Variants in ARMC2 observed in about 807,000 individuals in gnomAD.
The protein encoded by ARMC2 is armadillo repeat containing 2.
In ARMC2, 67 loss-of-function variants were observed where a neutral mutation model predicts 90.3. The observed-to-expected ratio is 0.74, with a 90% CI of 0.61 to 0.91. The LOEUF is 0.91. Ranked by LOEUF, ARMC2 falls within the 40% of genes least tolerant of loss-of-function variation. The pLI, the probability that ARMC2 is intolerant of heterozygous loss-of-function variation, is 0.00. For missense variants in ARMC2, 920 were observed against 1,030.9 expected, an observed-to-expected ratio of 0.89 and a Z score of 1.47; for synonymous variants, 393 against 393.0, an observed-to-expected ratio of 1.00 and a Z score of 0.00.
At chr6:108,924,067 A>G (rs1230305015) in intron 10 of ARMC2, 1 of 152,326 alleles carries the variant, frequency 6.6e-6, no homozygotes, top group Non-Finnish European at 1.5e-5. Context: ...TCACCATGGG[A>G]GAGAAGATGC....
intron 5 of ARMC2, among the ~76,000 whole-genome samples, chr6:108,891,933 T>C (rs1455831276): frequency 6.6e-6 from 1 of 152,220 alleles, no homozygotes; most frequent in African/African-American, 2.4e-5. Flanking sequence ...TGTGCTCTGC[T>C]TGAGAACTGG....
At chr6:109,028,002 T>C in the ARMC2 span, among the ~76,000 whole-genome samples, 1 of 152,094 alleles carries the variant, frequency 6.6e-6, no homozygotes, top group Non-Finnish European at 1.5e-5. Flanking sequence ...TATTTCAGTC[T>C]GTGGCTTGCC....
chr6:108,969,995 C>T (rs976393000), intron 17 of ARMC2, among the ~76,000 whole-genome samples: 1 of 151,986 alleles, frequency 6.6e-6, no homozygotes, highest in Non-Finnish European at 1.5e-5. Flanking sequence ...ATGATTGCAC[C>T]ACTGCATTCC....
chr6:108,874,345 G>A (rs1776731471), intron 4 of ARMC2, among the ~76,000 whole-genome samples: 1 of 152,254 alleles, frequency 6.6e-6, no homozygotes, highest in African/African-American at 2.4e-5. Flanking sequence ...CACCCGTGCA[G>A]TAAACAGCAC....
At chr6:108,930,659 T>C (rs943939475) in intron 11 of ARMC2, among the ~76,000 whole-genome samples, 6 of 133,556 alleles carry the variant, frequency 4.5e-5, no homozygotes, top group Non-Finnish European at 9.2e-5. Context: ...TGCAGTGGGG[T>C]GATCTCGGCT....
At position 108,899,741 on chromosome 6, in the gene ARMC2, G is replaced by T; in HGVS notation, c.796G>T (p.Glu266Ter). 1 of 1,613,642 alleles carries T rather than the reference G, an allele frequency of 6.2e-7. No individual in the cohort carries two copies. Among genetic ancestry groups the T allele is most frequent in the Non-Finnish European group, 8.5e-7 (1 of 1,179,786 alleles). Residue 266 changes from glutamate to a stop codon, truncating the protein, a stop_gained, in exon 7 of 18, where the codon GAA becomes TAA. Coordinates refer to ENST00000392644, the MANE Select transcript of ARMC2 (RefSeq NM_032131.6). LOFTEE classifies it high-confidence loss of function. ...AGAGGACGCAGAAATAGAAGTAGACGAAGTCTTTTGGAATACAAGGATTGT... is the reference window on the plus strand; with the variant it reads ...AGAGGACGCAGAAATAGAAGTAGACTAAGTCTTTTGGAATACAAGGATTGT... ...QEEDAEIEVD[E>*]VFWNTRIVPI...
chr6:108,871,380 C>T (rs72933303), intron 4 of ARMC2, among the ~76,000 whole-genome samples: 54 of 152,152 alleles, frequency 3.5e-4, no homozygotes, highest in Non-Finnish European at 6.5e-4. Flanking sequence ...GCTTTTCAAA[C>T]GCTCCCCCCG....
intron 6 of ARMC2, 30 bp downstream of exon 6, chr6:108,894,573 A>G (rs1279990575): frequency 6.4e-7 from 1 of 1,556,998 alleles, no homozygotes; most frequent in Admixed American, 2.0e-5. Context: ...CTTCATCTAC[A>G]GCATCTCCAC....
the ARMC2 span, among the ~76,000 whole-genome samples, chr6:109,046,547 G>A: frequency 6.3e-5 from 9 of 143,784 alleles, no homozygotes; most frequent in Admixed American, 1.4e-4. Context: ...GCCACCCATC[G>A]TCTGGGATGT....
chr6:108,870,707 A>G (rs2806363), intron 4 of ARMC2, among the ~76,000 whole-genome samples: 147,784 of 152,224 alleles, frequency 0.97, 71,899 homozygotes, highest in Non-Finnish European at 1. Flanking sequence ...CTGTGATGCC[A>G]TGACCAAGTA....
At chr6:109,006,727 C>A in the ARMC2 span, among the ~76,000 whole-genome samples, 3 of 152,154 alleles carry the variant, frequency 2.0e-5, no homozygotes, top group Non-Finnish European at 2.9e-5. Context: ...TTCTGGAAAA[C>A]TCACTTTTGA....
rs771481529 is a variant in ARMC2, at chr6:108,904,359, T to G, written c.977T>G (p.Val326Gly). ...LLKTLCKLVDVGSDSLSLKLA... is the reference protein window; with the variant it reads ...LLKTLCKLVDGGSDSLSLKLA... ...AAGACCCTGTGTAAACTAGTTGATG[T>G]TGGTTCAGACTCGCTCAGCCTTAAA... is the stretch of plus-strand genomic sequence containing the variant. The change falls in exon 8 of 18, where the codon GTT becomes GGT. Residue 326 changes from valine to glycine, a missense_variant. Physicochemically the swap from Val to Gly is moderately radical, Grantham distance 109. Coordinates refer to ENST00000392644, the MANE Select transcript of ARMC2 (RefSeq NM_032131.6). The G allele has an allele frequency of 1.9e-6, 3 of 1,613,128 alleles. No individual in the cohort carries two copies. Among genetic ancestry groups the G allele is most frequent in the Non-Finnish European group, 2.5e-6 (3 of 1,179,658 alleles).
intron 12 of ARMC2, among the ~76,000 whole-genome samples, chr6:108,941,374 A>G (rs1341782917): frequency 1.3e-5 from 2 of 152,198 alleles, no homozygotes; most frequent in African/African-American, 4.8e-5. Context: ...CCCAAGCAGT[A>G]TGCCTATGGC....
chr6:109,000,320 G>A, the ARMC2 span: 1 of 471,134 alleles, frequency 2.1e-6, no homozygotes, highest in Non-Finnish European at 3.7e-6. Context: ...ATCAATTACA[G>A]CAAATGTACC....
intron 10 of ARMC2, among the ~76,000 whole-genome samples, chr6:108,914,641 T>C (rs1773770965): frequency 6.6e-6 from 1 of 152,178 alleles, no homozygotes; most frequent in Admixed American, 6.5e-5. Flanking sequence ...TATCACTGTT[T>C]GTGTGTTTAC....
chr6:108,980,281 C>G, the ARMC2 span, among the ~76,000 whole-genome samples: 2 of 152,094 alleles, frequency 1.3e-5, no homozygotes, highest in Non-Finnish European at 2.9e-5. Context: ...TGCTGGAGGT[C>G]CACTATAGAC....
chr6:108,866,915 G>A (rs1204570702), intron 3 of ARMC2, among the ~76,000 whole-genome samples: 2 of 151,992 alleles, frequency 1.3e-5, no homozygotes, highest in African/African-American at 4.8e-5. Flanking sequence ...CTTCTTGGAA[G>A]GAACACCCTA....
intron 10 of ARMC2, among the ~76,000 whole-genome samples, chr6:108,915,426 C>T (rs1347591889): frequency 6.6e-6 from 1 of 152,150 alleles, no homozygotes; most frequent in East Asian, 1.9e-4. Context: ...TGACTTTCAA[C>T]CCCAAGAACC....
chr6:108,955,990 T>C (rs1408807878), intron 13 of ARMC2, among the ~76,000 whole-genome samples: 1 of 152,208 alleles, frequency 6.6e-6, no homozygotes, highest in African/African-American at 2.4e-5. Context: ...AAATCTGCCT[T>C]TTAATGCCTC....
Sources: allele counts gnomAD v4.1 joint callset (sites outside exome capture counted in the v4.1 genomes callset), GRCh38; gene constraint gnomAD v4.1.1; transcripts MANE v1.5; gene names NCBI Gene and HGNC (gene_info 2026-07-23, HGNC 2026-07-21).